Variants in HEATR5A observed in about 807,000 individuals in gnomAD.
HEATR5A encodes HEAT repeat containing 5A.
HEATR5A carries 178 observed loss-of-function variants against 218.8 expected under a neutral mutation model. That is an observed-to-expected ratio of 0.81 (90% CI 0.72 to 0.92). The LOEUF (loss-of-function observed/expected upper bound fraction) is 0.92. Ranked by LOEUF, HEATR5A falls within the 40% of genes least tolerant of loss-of-function variation. The probability of loss-of-function intolerance (pLI) is 0.00; values close to 1 mark genes in which losing one functional copy is unlikely to be tolerated. For missense variants in HEATR5A, 2,420 were observed against 2,418.9 expected (o/e 1.00, Z -0.01); for synonymous variants, 864 against 871.6 (o/e 0.99, Z 0.15).
intron 22 of HEATR5A, among the ~76,000 whole-genome samples, chr14:31,327,916 A>T (rs1169923225): frequency 6.6e-6 from 1 of 152,168 alleles, no homozygotes; most frequent in Non-Finnish European, 1.5e-5. Context: ...TTATGAAAGC[A>T]TGTAGATTTG....
intron 1 of HEATR5A, among the ~76,000 whole-genome samples, chr14:31,410,230 C>T (rs1489761356): frequency 1.3e-5 from 2 of 152,076 alleles, no homozygotes; most frequent in East Asian, 1.9e-4. Flanking sequence ...TAAAAGACAC[C>T]GTAACAGCTT....
chr14:31,377,280 G>A (rs551734493), intron 11 of HEATR5A, among the ~76,000 whole-genome samples: 2 of 152,024 alleles, frequency 1.3e-5, no homozygotes, highest in Non-Finnish European at 2.9e-5. Flanking sequence ...CTAGGTTCAC[G>A]TTAAAAGGAC....
chr14:31,379,528 G>C (rs1386982439), intron 11 of HEATR5A, among the ~76,000 whole-genome samples: 2 of 152,206 alleles, frequency 1.3e-5, no homozygotes, highest in African/African-American at 4.8e-5. Context: ...GGGATTACAA[G>C]CGTGAGCCAC....
chr14:31,395,654 T>C (rs1440136085), intron 4 of HEATR5A, among the ~76,000 whole-genome samples: 1 of 152,168 alleles, frequency 6.6e-6, no homozygotes, highest in Non-Finnish European at 1.5e-5. Context: ...GTTGCTATAG[T>C]CTAAGCTAAC....
At chr14:31,374,665 C>G in intron 12 of HEATR5A, 151 bp downstream of exon 12, 1 of 632,950 alleles carries the variant, frequency 1.6e-6, no homozygotes, top group Non-Finnish European at 2.7e-6. Flanking sequence ...ACCAACTAAT[C>G]GGTTATAATT....
intron 12 of HEATR5A, 118 bp downstream of exon 12, chr14:31,374,698 A>G (rs186743748): frequency 3.6e-5 from 33 of 905,558 alleles, no homozygotes; most frequent in Admixed American, 1.7e-4. Flanking sequence ...TACAAAAAAA[A>G]ATCATTAGTG....
At chr14:31,397,251 A>G (rs2030689752) in intron 4 of HEATR5A, among the ~76,000 whole-genome samples, 2 of 152,126 alleles carry the variant, frequency 1.3e-5, no homozygotes, top group South Asian at 2.1e-4. Flanking sequence ...ACTTTCCAAC[A>G]TTTCTATAAA....
rs553584364 is a variant in HEATR5A at position 31,364,302 on chromosome 14, A to G, written c.1962-4T>C. 1.8e-5 allele frequency: 25 copies of G among 1,413,852 alleles called. No homozygotes were observed. The South Asian group carries it at 2.2e-4, about 13-fold the overall frequency. The allele number at this position is 1,413,852 out of a possible 1,614,324, so 87.6% of individuals were successfully genotyped here. ...CATTTTTAGTATTGAAGAAAGCCTT[A>G]AAATAAAAGAAAAAGTGTATCTTAA... On this transcript the variant is annotated splice_polypyrimidine_tract_variant and splice_region_variant and intron_variant, in intron 13 of 35. Transcript: ENST00000543095.
chr14:31,323,284 C>A (rs890999471), intron 24 of HEATR5A, among the ~76,000 whole-genome samples: 1 of 152,056 alleles, frequency 6.6e-6, no homozygotes, highest in African/African-American at 2.4e-5. Context: ...CCTCAGCCTC[C>A]CCAGTAGCTG....
At chr14:31,335,974 T>C (rs1335958557) in intron 22 of HEATR5A, among the ~76,000 whole-genome samples, 16 of 374 alleles carry the variant, frequency 0.043, no homozygotes, top group Admixed American at 0.091. Flanking sequence ...GATAATTACC[T>C]TTTTTTTTTT....
At chr14:31,313,257 T>A in intron 27 of HEATR5A, 67 bp from the exon 28 acceptor site, 1 of 1,224,106 alleles carries the variant, frequency 8.2e-7, no homozygotes, top group Non-Finnish European at 1.2e-6. Flanking sequence ...AAAATTTTTA[T>A]ATCTTCCTGA....
intron 33 of HEATR5A, among the ~76,000 whole-genome samples, chr14:31,299,768 C>T (rs935024233): frequency 6.6e-6 from 1 of 150,378 alleles, no homozygotes; most frequent in Non-Finnish European, 1.5e-5. Context: ...CATGATGGCT[C>T]ATGTCTGTAA....
chr14:31,415,336 C>T (rs762005145), intron 1 of HEATR5A, among the ~76,000 whole-genome samples: 2 of 152,226 alleles, frequency 1.3e-5, no homozygotes. Flanking sequence ...TGCCTTCTGA[C>T]TGCCACTTTC....
rs1180525233 is a variant in HEATR5A at position 31,400,302 on chromosome 14, G to C, written c.337C>G (p.Leu113Val). 1 of 1,525,878 alleles carries C rather than the reference G, an allele frequency of 6.6e-7. No homozygotes were observed. Among genetic ancestry groups the C allele is most frequent in the South Asian group, 1.2e-5 (1 of 83,702 alleles). 94.5% of individuals were successfully genotyped at this position (1,525,878 alleles called of 1,614,324 possible). A position where few individuals can be genotyped will look rare whatever the true frequency, so the allele number is the denominator to read the frequency against. ...DDSPSYLPTK[L>V]AAVVCLGSLY... is the part of the protein sequence containing the mutation. ...GTTCTGTTTTAATGTTTCACTTACAGCTTAGTGGGAAGATAACTTGGAGAA... is the reference window on the plus strand; with the variant it reads ...GTTCTGTTTTAATGTTTCACTTACACCTTAGTGGGAAGATAACTTGGAGAA... Residue 113 changes from leucine (L) to valine (V), a missense_variant and splice_region_variant, in exon 3 of 36, where the codon CTT becomes GTT. By Grantham distance (32) the Leu-to-Val change is conservative (BLOSUM62 1). Coordinates refer to ENST00000543095, the MANE Select transcript of HEATR5A (RefSeq NM_015473.4).
At chr14:31,364,322 T>C (rs1263767874) in intron 13 of HEATR5A, 24 bp from the exon 14 acceptor site, 3 of 1,199,614 alleles carry the variant, frequency 2.5e-6, no homozygotes, top group African/African-American at 1.5e-5. Flanking sequence ...AAAAAGTGTA[T>C]CTTAAGTGGT....
Position 31,294,559 on chromosome 14 carries a change from A to G in HEATR5A, c.5620-455T>C, listed in dbSNP as rs562504019. Among the ~76,000 whole-genome samples, 13 of 150,982 alleles carry G rather than the reference A, an allele frequency of 8.6e-5. No individual in the cohort carries two copies. The South Asian group carries it at 2.7e-3, about 32-fold the overall frequency. ...CGAGTCGCTGGGACTACAGGCGTGC[A>G]CCTCCACACCCAGCTAATTTTTTGT... On this transcript the variant is annotated intron_variant, in intron 34 of 35. Coordinates refer to ENST00000543095, the MANE Select transcript of HEATR5A (RefSeq NM_015473.4).
chr14:31,335,115 A>G (rs1416376797), intron 22 of HEATR5A, among the ~76,000 whole-genome samples: 2 of 152,164 alleles, frequency 1.3e-5, no homozygotes, highest in Non-Finnish European at 1.5e-5. Flanking sequence ...TTTTAGCAAT[A>G]AAGAATTTTT....
chr14:31,351,027 C>T (rs184916695), intron 16 of HEATR5A, among the ~76,000 whole-genome samples: 1 of 152,114 alleles, frequency 6.6e-6, no homozygotes, highest in Non-Finnish European at 1.5e-5. Context: ...GTGATCCGCC[C>T]ACCTTGGCCT....
At chr14:31,404,024 G>A (rs1474882914) in intron 1 of HEATR5A, among the ~76,000 whole-genome samples, 5 of 152,194 alleles carry the variant, frequency 3.3e-5, no homozygotes, top group South Asian at 2.1e-4. Context: ...AATACAGGTA[G>A]TGGGTATGTG....
Sources: gnomAD v4.1 joint callset for allele counts (sites outside exome capture counted in the v4.1 genomes callset) on GRCh38, gnomAD v4.1.1 for gene constraint, MANE v1.5 for transcripts, NCBI Gene and HGNC (gene_info 2026-07-23, HGNC 2026-07-21) for gene names.